RAF1: variants seen among roughly 807,000 people sequenced by gnomAD.
The protein encoded by RAF1 is Raf-1 proto-oncogene, serine/threonine kinase.
RAF1 carries 27 observed loss-of-function variants against 81.1 expected under a neutral mutation model. That is an observed-to-expected ratio of 0.33 (90% CI 0.25 to 0.46). The LOEUF (loss-of-function observed/expected upper bound fraction) is 0.46, where lower values mean the gene tolerates loss of function less well. RAF1 is among the 20% of genes least tolerant of loss of function. The pLI is 1.00. For missense variants in RAF1, 598 were observed against 826.0 expected, an observed-to-expected ratio of 0.72 and a Z score of 3.38; for synonymous variants, 298 against 294.0, an observed-to-expected ratio of 1.01 and a Z score of -0.14.
intron 1 of RAF1, among the ~76,000 whole-genome samples, chr3:12,651,996 C>T (rs377036585): frequency 9.1e-5 from 13 of 142,924 alleles, no homozygotes; most frequent in African/African-American, 2.4e-4. Flanking sequence ...GCAACAAGAG[C>T]GAAACTCCAT....
chr3:12,639,752 A>T (rs1372884841), intron 1 of RAF1, among the ~76,000 whole-genome samples: 2 of 152,236 alleles, frequency 1.3e-5, no homozygotes, highest in East Asian at 3.8e-4. Context: ...TTCCATGCTC[A>T]TGGGTAGGAA....
intron 8 of RAF1, among the ~76,000 whole-genome samples, chr3:12,601,021 T>C (rs1163622359): frequency 6.6e-6 from 1 of 152,220 alleles, no homozygotes; most frequent in Non-Finnish European, 1.5e-5. Context: ...CTCAAAACTT[T>C]TTTTAAAAAG....
chr3:12,647,194 G>A (rs915946979), intron 1 of RAF1, among the ~76,000 whole-genome samples: 2 of 151,980 alleles, frequency 1.3e-5, no homozygotes, highest in East Asian at 1.9e-4. Flanking sequence ...TACTCGGAAG[G>A]CTGAGGCAGG....
chr3:12,638,146 AG>A (rs2060083671), intron 1 of RAF1, among the ~76,000 whole-genome samples: 1 of 152,348 alleles, frequency 6.6e-6, no homozygotes, highest in South Asian at 2.1e-4. Flanking sequence ...CTATACCACT[AG>A]GTAGTATGCT....
intron 11 of RAF1, among the ~76,000 whole-genome samples, chr3:12,598,618 TG>T (rs2058753248): frequency 6.7e-6 from 1 of 149,266 alleles, no homozygotes. Context: ...CCCAGCTACT[TG>T]GGAGGCTTAG....
At chr3:12,591,121 C>A in intron 12 of RAF1, 147 bp from the exon 12 acceptor site, 2 of 713,928 alleles carry the variant, frequency 2.8e-6, no homozygotes, top group South Asian at 1.9e-5. Flanking sequence ...ACACATGGCA[C>A]GGCTGATAAC....
intron 1 of RAF1, among the ~76,000 whole-genome samples, chr3:12,649,739 C>A (rs1046941551): frequency 2.0e-5 from 3 of 152,280 alleles, no homozygotes; most frequent in East Asian, 1.9e-4. Flanking sequence ...CAGGCTCACA[C>A]CTGTAATCTC....
At chr3:12,585,013 G>A (rs1273947479) in intron 16 of RAF1, 32 bp from the exon 16 acceptor site, 5 of 1,613,724 alleles carry the variant, frequency 3.1e-6, no homozygotes, top group East Asian at 2.2e-5. Flanking sequence ...AGCTAATGGG[G>A]GGTGAATGAA....
chr3:12,600,072 T>C, intron 10 of RAF1, 80 bp downstream of exon 9: 2 of 1,578,834 alleles, frequency 1.3e-6, no homozygotes, highest in South Asian at 1.1e-5. Flanking sequence ...TCTCCCAAAA[T>C]AAGTTTAAGT....
intron 1 of RAF1, among the ~76,000 whole-genome samples, chr3:12,629,422 CAAT>C (rs774590804): frequency 1.3e-5 from 2 of 152,134 alleles, no homozygotes; most frequent in African/African-American, 2.4e-5. Flanking sequence ...GCAGCAGCAA[CAAT>C]AATGATATTA....
intron 1 of RAF1, among the ~76,000 whole-genome samples, chr3:12,636,591 G>C (rs563387980): frequency 1.6e-4 from 24 of 151,546 alleles, no homozygotes; most frequent in Non-Finnish European, 3.2e-4. Flanking sequence ...AAGACTACTT[G>C]GGTCCAGAAG....
At position 12,627,946 on chromosome 3, in the gene RAF1, C is replaced by G. The variant is rs189981459; in HGVS notation, c.-26-9199G>C. 4.6e-4 allele frequency among the ~76,000 whole-genome samples: 70 copies of G among 152,262 alleles called. 1 individual carries two copies. Among genetic ancestry groups the G allele is most frequent in the African/African-American group, 1.6e-3 (66 of 41,552 alleles). ...ACCCGCCTGGCCCACATGGCAAAAT[C>G]CCGTCTCTACTAAAAATACAAAAAT... On this transcript the variant is annotated intron_variant, in intron 1 of 17. Coordinates refer to ENST00000442415, the MANE Select transcript of RAF1 (RefSeq NM_001354689.3).
intron 8 of RAF1, among the ~76,000 whole-genome samples, chr3:12,603,263 A>G (rs1240127230): frequency 1.3e-5 from 2 of 152,156 alleles, no homozygotes; most frequent in Admixed American, 6.5e-5. Context: ...CATTTCACCT[A>G]TCATCAATAC....
intron 7 of RAF1, 29 bp downstream of exon 7, chr3:12,604,107 A>T (rs1288627946): frequency 6.2e-7 from 1 of 1,613,384 alleles, no homozygotes; most frequent in Non-Finnish European, 8.5e-7. Flanking sequence ...TAATTGACTG[A>T]CATTACCACC....
intron 1 of RAF1, among the ~76,000 whole-genome samples, chr3:12,642,124 G>C (rs2060206278): frequency 6.6e-6 from 1 of 151,666 alleles, no homozygotes; most frequent in Non-Finnish European, 1.5e-5. Flanking sequence ...CTCCAGCCTG[G>C]GCAACAAGAG....
At chr3:12,642,327 AAAAC>A (rs71063855) in intron 1 of RAF1, among the ~76,000 whole-genome samples, 17,807 of 150,056 alleles carry the variant, frequency 0.12, 1,280 homozygotes, top group Admixed American at 0.2. Flanking sequence ...CAAAAAAACA[AAAAC>A]AAACAAACAA....
intron 1 of RAF1, among the ~76,000 whole-genome samples, chr3:12,620,268 G>T (rs184697667): frequency 6.6e-6 from 1 of 152,048 alleles, no homozygotes; most frequent in Admixed American, 6.5e-5. Flanking sequence ...CCGAGTAGCC[G>T]GGATTACAGG....
At chr3:12,642,507 ATC>A (rs1352774124) in intron 1 of RAF1, among the ~76,000 whole-genome samples, 1 of 151,358 alleles carries the variant, frequency 6.6e-6, no homozygotes, top group Non-Finnish European at 1.5e-5. Flanking sequence ...GCGAGACTCC[ATC>A]TCAGGAAAAA....
rs77586955 is a variant in RAF1, at chr3:12,657,184, G to C, written c.-27+6629C>G. Among the ~76,000 whole-genome samples, 6 of 152,252 alleles carry C rather than the reference G, an allele frequency of 3.9e-5. No homozygotes were observed. The East Asian group carries it at 1.2e-3, about 29-fold the overall frequency. Reference sequence around the variant, plus strand: ...CATACTATTACTATGAGAAAGCCATGTGAGCAAGACACAGAAGCAAGAATT... The same window carrying C: ...CATACTATTACTATGAGAAAGCCATCTGAGCAAGACACAGAAGCAAGAATT... On this transcript the variant is annotated intron_variant, in intron 1 of 17. Transcript: ENST00000442415.
Sources: gnomAD v4.1 joint callset for allele counts (sites outside exome capture counted in the v4.1 genomes callset) on GRCh38, gnomAD v4.1.1 for gene constraint, MANE v1.5 for transcripts, NCBI Gene and HGNC (gene_info 2026-07-23, HGNC 2026-07-21) for gene names.